FUT5: variants seen among roughly 807,000 people sequenced by gnomAD.
FUT5 encodes 4-galactosyl-N-acetylglucosaminide 3-alpha-L-fucosyltransferase FUT5.
A neutral mutation model predicts 0.8 loss-of-function variants in FUT5; 1 was observed. The observed-to-expected ratio is 1.26, with a 90% CI of 0.45 to 5.99. FUT5 has a LOEUF of 5.99. Ranked by LOEUF, FUT5 falls within the 30% of genes most tolerant of loss-of-function variation. FUT5 has a pLI of 0.15. For missense variants in FUT5, 437 were observed against 517.8 expected, an observed-to-expected ratio of 0.84 and a Z score of 1.51; for synonymous variants, 212 against 225.7, an observed-to-expected ratio of 0.94 and a Z score of 0.54.
At position 5,866,523 on chromosome 19, in the gene FUT5, C is replaced by A. The variant is rs1599679449; in HGVS notation, c.*78G>T. ...CAGCCGAGGCCCCAGGTAGGTAAAT[C>A]CCCCGACTAGTGAGACCCTAGGTAG... On this transcript the variant is annotated 3_prime_UTR_variant, in exon 2 of 2. Transcript: ENST00000588525. The surrounding 1 kb of genome is among the most constrained non-coding windows in gnomAD (Gnocchi z 4.9). 1.9e-6 allele frequency: 3 copies of A among 1,609,532 alleles called. No individual in the cohort carries two copies. The highest frequency in any genetic ancestry group is 1.7e-5 in the Admixed American group (1 of 59,938).
At chr19:5,869,614 T>G (rs1453741988) in intron 1 of FUT5, among the ~76,000 whole-genome samples, 2 of 152,152 alleles carry the variant, frequency 1.3e-5, no homozygotes, top group African/African-American at 2.4e-5. Flanking sequence ...ATGTCACCAT[T>G]GCTACCCAAA....
Position 5,867,657 on chromosome 19 carries a change from CT to C in FUT5, c.68del (p.Gln23ArgfsTer55). On this transcript the variant is annotated frameshift_variant, in exon 2 of 2. Coordinates refer to ENST00000588525, the MANE Select transcript of FUT5 (RefSeq NM_002034.2). LOFTEE classifies it low-confidence loss of function (END_TRUNC). The surrounding 1 kb of genome is among the most constrained non-coding windows in gnomAD (Gnocchi z 5.0). ...WRRCLAGLLF[Q>X]LLVAVCFFSY... ...AGAAGAAACACACAGCCACCAGCAG[CT>C]GAAACAGCAGCCCGGCCAGACAGCG... 6.2e-7 allele frequency: 1 copy of C among 1,613,388 alleles called. No homozygotes were observed. Among genetic ancestry groups the C allele is most frequent in the South Asian group, 1.1e-5 (1 of 91,088 alleles).
In FUT5 at chr19:5,866,829, T is replaced by C. The variant is rs702065; in HGVS notation, c.897A>G (p.Pro299=). The C allele has an allele frequency of 0.66, 1,043,283 of 1,581,076 alleles. 347,655 individuals carry two copies. Among genetic ancestry groups the C allele is most frequent in the East Asian group, 0.88 (39,037 of 44,162 alleles). The change falls in exon 2 of 2, where the codon CCA becomes CCG. Residue 299 remains proline, a synonymous_variant. Transcript: ENST00000588525. The surrounding 1 kb of genome is among the most constrained non-coding windows in gnomAD (Gnocchi z 4.9). The part of the protein sequence containing the change: ...PSRSNYERFL[P]PDAFIHVDDF... ...CGTCCACGTGGATGAAGGCGTCGGGTGGCAGGAACCTCTCGTAGTTGCTTC... is the reference window on the plus strand; with the variant it reads ...CGTCCACGTGGATGAAGGCGTCGGGCGGCAGGAACCTCTCGTAGTTGCTTC...
chr19:5,866,693 T>A lies in FUT5; in HGVS notation c.1033A>T (p.Ser345Cys). 1 of 1,611,994 alleles carries A rather than the reference T, an allele frequency of 6.2e-7. No homozygotes were observed. Among genetic ancestry groups the A allele is most frequent in the Non-Finnish European group, 8.5e-7 (1 of 1,179,848 alleles). The change falls in exon 2 of 2, where the codon AGC becomes TGC. Residue 345 changes from serine (S) to cysteine (C), a missense_variant. Physicochemically the swap from Ser to Cys is moderately radical, Grantham distance 112. This residue lies in a region of FUT5 where 176 missense variants were observed against 275.2 expected (regional missense o/e 0.64). Transcript: ENST00000588525. This position sits in a 1 kb window ranked among gnomAD's most constrained non-coding sequence, Gnocchi z 4.9. ...GCCTTGCAGAAAGCCAGTGCCCAGC[T>A]GAAGGAGCGAGGCCGCAGCGTCTCC... ...WRETLRPRSF[S>C]WALAFCKACW...
At chr19:5,868,743 G>GA (rs1343945262) in intron 1 of FUT5, among the ~76,000 whole-genome samples, 1 of 152,158 alleles carries the variant, frequency 6.6e-6, no homozygotes, top group African/African-American at 2.4e-5. Flanking sequence ...GCTGAGGCAG[G>GA]AAAATCACTT....
intron 1 of FUT5, among the ~76,000 whole-genome samples, chr19:5,869,629 A>G (rs913578466): frequency 3.9e-5 from 6 of 152,290 alleles, no homozygotes; most frequent in Admixed American, 1.3e-4. Flanking sequence ...CCCAAAATTT[A>G]GTGCCTAAAA....
chr19:5,867,186 C>T lies in FUT5; in HGVS notation c.540G>A (p.Thr180=), dbSNP rs147199559. 3.1e-4 allele frequency: 499 copies of T among 1,612,678 alleles called. 2 individuals are homozygous for T. The African/African-American group carries it at 5.8e-3, about 19-fold the overall frequency. Residue 180 remains threonine, a synonymous_variant, in exon 2 of 2, where the codon ACG becomes ACA. Coordinates refer to ENST00000588525, the MANE Select transcript of FUT5 (RefSeq NM_002034.2). This position sits in a 1 kb window ranked among gnomAD's most constrained non-coding sequence, Gnocchi z 5.0. ...ACCACGGCTCCAGCCAGCCGTAGGG[C>T]GTGAAGATGTCGGAGTCGCTGCGGT... ...MSYRSDSDIF[T]PYGWLEPWSG...
intron 1 of FUT5, among the ~76,000 whole-genome samples, chr19:5,870,083 A>AAG (rs1555743383): frequency 4.0e-5 from 6 of 150,822 alleles, no homozygotes; most frequent in East Asian, 1.9e-4. Context: ...AAAAAAAAAA[A>AAG]AAAAGAAAAA....
In FUT5 at chr19:5,867,736, A is replaced by G. The variant is rs1345977191; in HGVS notation, c.-11T>C. 1 of 1,613,072 alleles carries G rather than the reference A, an allele frequency of 6.2e-7. No individual in the cohort carries two copies. The highest frequency in any genetic ancestry group is 8.5e-7 in the Non-Finnish European group (1 of 1,179,886). ...GCCCAGGGGATCCATGGGTCAGAGT[A>G]GCTGGGAAGAGAGGAGAGAGGAGTG... On this transcript the variant is annotated splice_region_variant and 5_prime_UTR_variant, in exon 2 of 2. Coordinates refer to ENST00000588525, the MANE Select transcript of FUT5 (RefSeq NM_002034.2). The surrounding 1 kb of genome is among the most constrained non-coding windows in gnomAD (Gnocchi z 5.0).
Position 5,865,908 on chromosome 19 carries a change from A to C in FUT5, c.*693T>G, listed in dbSNP as rs1433694289. 1.2e-5 allele frequency: 2 copies of C among 163,508 alleles called. No homozygotes were observed. Among genetic ancestry groups the C allele is most frequent in the African/African-American group, 4.8e-5 (2 of 41,562 alleles). 10.1% of individuals were successfully genotyped at this position (163,508 alleles called of 1,614,324 possible). Reference sequence around the variant, plus strand: ...TAAAACCACAAGCAAACCAGCCTGCACCATCGCCCGGGGGCAGGGCCTCAA... The same window carrying C: ...TAAAACCACAAGCAAACCAGCCTGCCCCATCGCCCGGGGGCAGGGCCTCAA... On this transcript the variant is annotated 3_prime_UTR_variant, in exon 2 of 2. Coordinates refer to ENST00000588525, the MANE Select transcript of FUT5 (RefSeq NM_002034.2).
chr19:5,866,133 G>A lies in FUT5; in HGVS notation c.*468C>T, dbSNP rs1330175847. The stretch of plus-strand genomic sequence containing the variant: ...CACATACCCTTCGCCCTCCTCCTTA[G>A]GGGACCCTGCCCTTCCCTGACCTGC... On this transcript the variant is annotated 3_prime_UTR_variant, in exon 2 of 2. Transcript: ENST00000588525. This position sits in a 1 kb window ranked among gnomAD's most constrained non-coding sequence, Gnocchi z 4.9. The A allele has an allele frequency of 3.4e-5, 10 of 295,706 alleles. No individual in the cohort carries two copies. The highest frequency in any genetic ancestry group is 2.6e-4 in the East Asian group (3 of 11,576). The allele number at this position is 295,706 out of a possible 1,614,324, so 18.3% of individuals were successfully genotyped here. A position where few individuals can be genotyped will look rare whatever the true frequency, so the allele number is the denominator to read the frequency against.
At position 5,867,166 on chromosome 19, in the gene FUT5, G is replaced by A. The variant is rs778970; in HGVS notation, c.560C>T (p.Pro187Leu). 738,647 of 1,610,964 alleles carry A rather than the reference G, an allele frequency of 0.46. 170,867 individuals carry two copies. The highest frequency in any genetic ancestry group is 0.62 in the East Asian group (27,632 of 44,638). ...TGGGTGGGCAGGCTGGCCGGACCAC[G>A]GCTCCAGCCAGCCGTAGGGCGTGAA... ...DIFTPYGWLE[P>L]WSGQPAHPPL... is the part of the protein sequence containing the mutation. The change falls in exon 2 of 2, where the codon CCG (proline) becomes CTG (leucine). Residue 187 changes from proline to leucine, a missense_variant. Physicochemically the swap from Pro to Leu is moderately conservative, Grantham distance 98. Coordinates refer to ENST00000588525, the MANE Select transcript of FUT5 (RefSeq NM_002034.2). This position sits in a 1 kb window ranked among gnomAD's most constrained non-coding sequence, Gnocchi z 5.0.
chr19:5,868,802 G>A (rs778508052), intron 1 of FUT5, among the ~76,000 whole-genome samples: 2 of 152,128 alleles, frequency 1.3e-5, no homozygotes, highest in Non-Finnish European at 2.9e-5. Flanking sequence ...GTGACAGAAT[G>A]AGACTCTGTC....
chr19:5,867,779 T>G lies in FUT5; in HGVS notation c.-12-42A>C. On this transcript the variant is annotated intron_variant, in intron 1 of 1. Transcript: ENST00000588525. This position sits in a 1 kb window ranked among gnomAD's most constrained non-coding sequence, Gnocchi z 5.0. ...GAGGAGTGAGGGTCATTAAGGAAGATCACCCACTTCCTGGCCACGTGTCCT... is the reference window on the plus strand; with the variant it reads ...GAGGAGTGAGGGTCATTAAGGAAGAGCACCCACTTCCTGGCCACGTGTCCT... The G allele has an allele frequency of 6.3e-7, 1 of 1,591,334 alleles. No individual in the cohort carries two copies. The highest frequency in any genetic ancestry group is 8.6e-7 in the Non-Finnish European group (1 of 1,160,556).
Position 5,866,422 on chromosome 19 carries a change from T to C in FUT5, c.*179A>G. 2 of 1,003,428 alleles carry C rather than the reference T, an allele frequency of 2.0e-6. No homozygotes were observed. The highest frequency in any genetic ancestry group is 3.0e-6 in the Non-Finnish European group (2 of 668,054). 62.2% of individuals were successfully genotyped at this position (1,003,428 alleles called of 1,614,324 possible). A position where few individuals can be genotyped will look rare whatever the true frequency, so the allele number is the denominator to read the frequency against. ...CCCGGCAAGTGAAATCCCAGGTAAG[T>C]CACATGCCTGGCCACCAAAGACTCC... is the stretch of plus-strand genomic sequence containing the variant. On this transcript the variant is annotated 3_prime_UTR_variant, in exon 2 of 2. Transcript: ENST00000588525. The surrounding 1 kb of genome is among the most constrained non-coding windows in gnomAD (Gnocchi z 4.9).
Position 5,866,628 on chromosome 19 carries a change from C to T in FUT5, c.1098G>A (p.Val366=), listed in dbSNP as rs2057504086. 6.2e-7 allele frequency: 1 copy of T among 1,613,178 alleles called. No homozygotes were observed. The highest frequency in any genetic ancestry group is 2.2e-5 in the East Asian group (1 of 44,854). The change falls in exon 2 of 2, where the codon GTG becomes GTA. Residue 366 remains valine (V), a synonymous_variant. Coordinates refer to ENST00000588525, the MANE Select transcript of FUT5 (RefSeq NM_002034.2). The surrounding 1 kb of genome is among the most constrained non-coding windows in gnomAD (Gnocchi z 4.9). ...AGGTGAACCAAGCCGCTATGCTGCG[C>T]ACCGTCTGGTACCTAGATTCCTGCT... is the stretch of plus-strand genomic sequence containing the variant. ...KLQQESRYQT[V]RSIAAWFT is the part of the protein sequence containing the mutation.
chr19:5,868,465 G>A (rs1315674846), intron 1 of FUT5, among the ~76,000 whole-genome samples: 1 of 152,204 alleles, frequency 6.6e-6, no homozygotes. Flanking sequence ...TGTGATGGGT[G>A]AGGTGAGGCT....
At chr19:5,868,244 G>T (rs943231456) in intron 1 of FUT5, among the ~76,000 whole-genome samples, 1 of 152,046 alleles carries the variant, frequency 6.6e-6, no homozygotes, top group African/African-American at 2.4e-5. Context: ...GGCTGACCAG[G>T]CAGGGAGTGG....
Position 5,867,577 on chromosome 19 carries a change from A to T in FUT5, c.149T>A (p.Met50Lys), listed in dbSNP as rs778311756. The change falls in exon 2 of 2, where the codon ATG becomes AAG. Residue 50 changes from methionine (M) to lysine (K), a missense_variant. Met to Lys is a moderately conservative substitution (Grantham distance 95). Transcript: ENST00000588525. The surrounding 1 kb of genome is among the most constrained non-coding windows in gnomAD (Gnocchi z 5.0). ...AGCCCCGGTGACAGGTTCCACTGCC[A>T]TAAGCCCTGGCCTAGGGGATCCAGT... is the stretch of plus-strand genomic sequence containing the variant. ...DATGSPRPGL[M>K]AVEPVTGAPN... 13 of 1,613,514 alleles carry T rather than the reference A, an allele frequency of 8.1e-6. No individual in the cohort carries two copies. In the East Asian group the frequency reaches 1.6e-4, roughly 19 times the overall value.
Sources: allele counts gnomAD v4.1 joint callset (sites outside exome capture counted in the v4.1 genomes callset), GRCh38; gene constraint gnomAD v4.1.1; regional missense constraint gnomAD v4.1.1; non-coding constraint Gnocchi (gnomAD v3.1); transcripts MANE v1.5; gene names NCBI Gene and HGNC (gene_info 2026-07-23, HGNC 2026-07-21).